PTK7: variants seen among roughly 807,000 people sequenced by gnomAD.
PTK7 encodes the protein protein tyrosine kinase 7 (inactive), also known as inactive tyrosine-protein kinase 7.
In PTK7, 39 loss-of-function variants were observed where a neutral mutation model predicts 116.6. That is an observed-to-expected ratio of 0.33 (90% CI 0.26 to 0.44). The LOEUF (loss-of-function observed/expected upper bound fraction) is 0.44, where lower values mean the gene tolerates loss of function less well. Among genes scored for constraint, PTK7 ranks in the 20% least tolerant of loss-of-function variants. The pLI is 1.00. For missense variants in PTK7, 1,169 were observed against 1,425.6 expected (o/e 0.82, Z 2.90); for synonymous variants, 546 against 563.6 (o/e 0.97, Z 0.44).
At chr6:43,128,555 T>C (rs1970186) in intron 1 of PTK7, among the ~76,000 whole-genome samples, 79,028 of 151,986 alleles carry the variant, frequency 0.52, 22,212 homozygotes, top group African/African-American at 0.75. Flanking sequence ...GAGGCCGAGG[T>C]GGGCAGATCA....
At chr6:43,113,776 C>T (rs149057782) in intron 1 of PTK7, among the ~76,000 whole-genome samples, 19 of 152,284 alleles carry the variant, frequency 1.2e-4, no homozygotes, top group East Asian at 3.9e-4. Flanking sequence ...TTTAACAGTA[C>T]GGCGCATTTA....
At chr6:43,155,107 G>C (rs1357679508) in intron 17 of PTK7, among the ~76,000 whole-genome samples, 3 of 152,256 alleles carry the variant, frequency 2.0e-5, no homozygotes. Context: ...CCTGGCTGCA[G>C]CCCCCCATCA....
At chr6:43,147,138 CT>C (rs1179391940) in intron 17 of PTK7, among the ~76,000 whole-genome samples, 1 of 152,238 alleles carries the variant, frequency 6.6e-6, no homozygotes, top group Non-Finnish European at 1.5e-5. Flanking sequence ...GGAGAAGACT[CT>C]TCTGTGAATG....
intron 1 of PTK7, 53 bp from the exon 2 acceptor site, chr6:43,128,924 G>C: frequency 6.5e-7 from 1 of 1,547,958 alleles, no homozygotes; most frequent in Non-Finnish European, 8.8e-7. Flanking sequence ...CCTGTGTTAG[G>C]ACAGAGGCTG....
chr6:43,159,726 A>G (rs1416511616), intron 18 of PTK7, 62 bp from the exon 19 acceptor site: 1 of 1,541,118 alleles, frequency 6.5e-7, no homozygotes, highest in Non-Finnish European at 9.0e-7. Flanking sequence ...TGGGGAGATG[A>G]GGGTGCAGCG....
At position 43,139,380 on chromosome 6, in the gene PTK7, T is replaced by C. The variant is rs1282415006; in HGVS notation, c.1499-26T>C. On this transcript the variant is annotated intron_variant, in intron 9 of 19. Transcript: ENST00000230419. The surrounding 1 kb of genome is among the most constrained non-coding windows in gnomAD (Gnocchi z 4.6). Reference sequence around the variant, plus strand: ...TCTCCAGCGGCCCCAATTCCTCGTCTTTCTACCCACCCTCTGCTGAAACAG... The same window carrying C: ...TCTCCAGCGGCCCCAATTCCTCGTCCTTCTACCCACCCTCTGCTGAAACAG... 2 of 1,614,166 alleles carry C rather than the reference T, an allele frequency of 1.2e-6. No individual in the cohort carries two copies. The highest frequency in any genetic ancestry group is 2.2e-5 in the South Asian group (2 of 91,082).
At position 43,143,213 on chromosome 6, in the gene PTK7, C is replaced by T. The variant is rs1467819320; in HGVS notation, c.2048-204C>T. The stretch of plus-strand genomic sequence containing the variant: ...TCCGATGCAAAGCCAGCTTGGGAAC[C>T]CCTGGCCTCATCTCCTTCAGAGTCT... On this transcript the variant is annotated intron_variant, in intron 13 of 19. Coordinates refer to ENST00000230419, the MANE Select transcript of PTK7 (RefSeq NM_002821.5). This position sits in a 1 kb window ranked among gnomAD's most constrained non-coding sequence, Gnocchi z 4.2. 9 of 564,160 alleles carry T rather than the reference C, an allele frequency of 1.6e-5. No homozygotes were observed. The highest frequency in any genetic ancestry group is 2.8e-5 in the Non-Finnish European group (9 of 318,930). 34.9% of individuals were successfully genotyped at this position (564,160 alleles called of 1,614,324 possible).
rs376958481 is a variant in PTK7, at chr6:43,129,790, C to A, written c.431C>A (p.Thr144Asn). 1 of 1,614,082 alleles carries A rather than the reference C, an allele frequency of 6.2e-7. No individual in the cohort carries two copies. The highest frequency in any genetic ancestry group is 8.5e-7 in the Non-Finnish European group (1 of 1,180,042). The change falls in exon 3 of 20, where the codon ACC becomes AAC. Residue 144 changes from threonine to asparagine, a missense_variant. Thr to Asn is a moderately conservative substitution (Grantham distance 65, BLOSUM62 0). This residue lies in a region of PTK7 where 487 missense variants were observed against 549.8 expected (regional missense o/e 0.89). Coordinates refer to ENST00000230419, the MANE Select transcript of PTK7 (RefSeq NM_002821.5). This position sits in a 1 kb window ranked among gnomAD's most constrained non-coding sequence, Gnocchi z 4.5. The part of the protein sequence containing the change: ...PASEAEIQPQ[T>N]QVTLRCHIDG... Reference sequence around the variant, plus strand: ...TCGGAAGCTGAGATCCAGCCACAGACCCAGGTCACACTTCGTTGCCACATT... The same window carrying A: ...TCGGAAGCTGAGATCCAGCCACAGAACCAGGTCACACTTCGTTGCCACATT...
At position 43,077,877 on chromosome 6, in the gene PTK7, C is replaced by T. The variant is rs3805943; in HGVS notation, c.79+1310C>T. 4.6e-5 allele frequency among the ~76,000 whole-genome samples: 7 copies of T among 152,392 alleles called. No individual in the cohort carries two copies. In the South Asian group the frequency reaches 1.4e-3, roughly 32 times the overall value. On this transcript the variant is annotated intron_variant, in intron 1 of 19. Transcript: ENST00000230419. Reference sequence around the variant, plus strand: ...AATGTAACCCAGGAAAGAGACCAATCTCCAGGGATTTGGAGGAGGTGTTTC... The same window carrying T: ...AATGTAACCCAGGAAAGAGACCAATTTCCAGGGATTTGGAGGAGGTGTTTC...
intron 17 of PTK7, among the ~76,000 whole-genome samples, chr6:43,149,740 T>G (rs1770960361): frequency 6.6e-6 from 1 of 152,248 alleles, no homozygotes; most frequent in Non-Finnish European, 1.5e-5. Context: ...TGCAGGCTCA[T>G]ATAACTAAAA....
chr6:43,159,186 A>C (rs1446524085), intron 18 of PTK7, among the ~76,000 whole-genome samples: 1 of 152,238 alleles, frequency 6.6e-6, no homozygotes, highest in African/African-American at 2.4e-5. Context: ...GTCTCTAGCG[A>C]TTAAATAAAT....
intron 1 of PTK7, among the ~76,000 whole-genome samples, chr6:43,092,828 G>A (rs1767027746): frequency 6.6e-6 from 1 of 152,126 alleles, no homozygotes; most frequent in African/African-American, 2.4e-5. Flanking sequence ...AATTGTGATG[G>A]TTATCTGTGG....
intron 1 of PTK7, among the ~76,000 whole-genome samples, chr6:43,108,818 G>A (rs61169091): frequency 0.2 from 30,174 of 152,120 alleles, 3,478 homozygotes; most frequent in East Asian, 0.37. Flanking sequence ...TGTTTGGAAT[G>A]AGAAGCCATC....
chr6:43,154,304 C>G (rs1172084286), intron 17 of PTK7, among the ~76,000 whole-genome samples: 1 of 151,962 alleles, frequency 6.6e-6, no homozygotes, highest in Non-Finnish European at 1.5e-5. Flanking sequence ...CCACTGCACT[C>G]CAGCCTGGGC....
intron 1 of PTK7, among the ~76,000 whole-genome samples, chr6:43,083,719 G>A (rs369580673): frequency 2.0e-5 from 3 of 152,122 alleles, no homozygotes; most frequent in African/African-American, 7.2e-5. Context: ...CATTAACTGG[G>A]GTATGTGTTG....
At chr6:43,094,042 T>C (rs1193641825) in intron 1 of PTK7, among the ~76,000 whole-genome samples, 1 of 152,236 alleles carries the variant, frequency 6.6e-6, no homozygotes, top group Non-Finnish European at 1.5e-5. Context: ...GTCAGTCTGA[T>C]TGGTTGTGGA....
chr6:43,099,650 G>A (rs1241417970), intron 1 of PTK7, among the ~76,000 whole-genome samples: 1 of 152,156 alleles, frequency 6.6e-6, no homozygotes, highest in Non-Finnish European at 1.5e-5. Flanking sequence ...ACCATTTAAG[G>A]AAATGTATAC....
chr6:43,131,793 C>T (rs1769697072), intron 5 of PTK7: 2 of 603,428 alleles, frequency 3.3e-6, no homozygotes, highest in Non-Finnish European at 5.8e-6. Flanking sequence ...TCATTGCTTC[C>T]CGAGCTGATC....
At chr6:43,110,401 G>C (rs1452718803) in intron 1 of PTK7, among the ~76,000 whole-genome samples, 1 of 148,478 alleles carries the variant, frequency 6.7e-6, no homozygotes, top group Non-Finnish European at 1.5e-5. Context: ...TGTTGTTGTT[G>C]TTGCTGTTTT....
Sources: gnomAD v4.1 joint callset for allele counts (sites outside exome capture counted in the v4.1 genomes callset) on GRCh38, gnomAD v4.1.1 for gene constraint, gnomAD v4.1.1 regional missense constraint, Gnocchi (gnomAD v3.1) non-coding constraint, MANE v1.5 for transcripts, NCBI Gene and HGNC (gene_info 2026-07-23, HGNC 2026-07-21) for gene names.